The following ABLIM2 variants were observed in gnomAD, a reference collection of about 807,000 sequenced individuals.
ABLIM2 encodes the protein actin binding LIM protein family member 2, also known as actin-binding LIM protein 2.
Under a neutral mutation model 97.7 loss-of-function variants are expected in ABLIM2, and 53 were observed. The ratio of observed to expected loss-of-function variants is 0.54; its 90% CI spans 0.44 to 0.68. ABLIM2 has a LOEUF of 0.68. Ranked by LOEUF, ABLIM2 falls within the 30% of genes least tolerant of loss-of-function variation. The pLI, the probability that ABLIM2 is intolerant of heterozygous loss-of-function variation, is 0.00. For synonymous variants in ABLIM2, 361 were observed against 345.8 expected, an observed-to-expected ratio of 1.04 and a Z score of -0.49; for missense variants, 835 against 867.2, an observed-to-expected ratio of 0.96 and a Z score of 0.47.
At position 8,071,741 on chromosome 4, in the gene ABLIM2, C is replaced by A; in HGVS notation, c.675+5887G>T. 3.0e-6 allele frequency: 3 copies of A among 985,564 alleles called. No homozygotes were observed. The highest frequency in any genetic ancestry group is 3.6e-6 in the Non-Finnish European group (3 of 830,084). 61.1% of individuals were successfully genotyped at this position (985,564 alleles called of 1,614,324 possible). On this transcript the variant is annotated intron_variant, in intron 6 of 20. Transcript: ENST00000447017. The surrounding 1 kb of genome is among the most constrained non-coding windows in gnomAD (Gnocchi z 6.2). ...TGGCCCCTGTGAGCCCCCATCAGCC[C>A]CTTGGAGTTGCGGGCCAGGTTTCCT...
At chr4:8,078,401 G>A (rs992651470) in intron 5 of ABLIM2, among the ~76,000 whole-genome samples, 2 of 152,240 alleles carry the variant, frequency 1.3e-5, no homozygotes, top group Non-Finnish European at 2.9e-5. Context: ...AATTGGTGTC[G>A]AATGCCCATC....
At chr4:7,969,342 T>A (rs1161272262) in intron 20 of ABLIM2, among the ~76,000 whole-genome samples, 1 of 151,864 alleles carries the variant, frequency 6.6e-6, no homozygotes, top group African/African-American at 2.4e-5. Context: ...TAGTCCCAGT[T>A]ACTGAGGAGG....
In ABLIM2 at chr4:8,083,971, G is replaced by A. The variant is rs1440216846; in HGVS notation, c.455-3169C>T. Among the ~76,000 whole-genome samples the A allele has an allele frequency of 6.6e-6, 1 of 152,116 alleles. No homozygotes were observed. The highest frequency in any genetic ancestry group is 6.5e-5 in the Admixed American group (1 of 15,272). The stretch of plus-strand genomic sequence containing the variant: ...GCAGCCTCCTGGAGCCTCAGCTGGA[G>A]CTCAGGGGGTGCAGGTGCAGGAGCC... On this transcript the variant is annotated intron_variant, in intron 4 of 20. Coordinates refer to ENST00000447017, the MANE Select transcript of ABLIM2 (RefSeq NM_001130083.2). This position sits in a 1 kb window ranked among gnomAD's most constrained non-coding sequence, Gnocchi z 4.6.
In ABLIM2 at chr4:8,069,567, G is replaced by T; in HGVS notation, c.675+8061C>A. On this transcript the variant is annotated intron_variant, in intron 6 of 20. Transcript: ENST00000447017. This position sits in a 1 kb window ranked among gnomAD's most constrained non-coding sequence, Gnocchi z 4.2. ...CGGCAAAGGGTGTGTGCGCATGTGC[G>T]TGTCTGTGTGTCTCTGTGTTTTGCC... Among the ~76,000 whole-genome samples, 2 of 152,310 alleles carry T rather than the reference G, an allele frequency of 1.3e-5. No homozygotes were observed. The highest frequency in any genetic ancestry group is 4.1e-4 in the South Asian group (2 of 4,824).
At position 8,005,063 on chromosome 4, in the gene ABLIM2, G is replaced by C. The variant is rs1197910087; in HGVS notation, c.1618+2996C>G. Among the ~76,000 whole-genome samples the C allele has an allele frequency of 6.6e-6, 1 of 152,224 alleles. No homozygotes were observed. Among genetic ancestry groups the C allele is most frequent in the Non-Finnish European group, 1.5e-5 (1 of 68,038 alleles). On this transcript the variant is annotated intron_variant, in intron 16 of 20. Coordinates refer to ENST00000447017, the MANE Select transcript of ABLIM2 (RefSeq NM_001130083.2). This position sits in a 1 kb window ranked among gnomAD's most constrained non-coding sequence, Gnocchi z 4.9. ...GTAAGTATCTGGTGGAGGGATGGAT[G>C]AATGACTGAATGATGAACTCAGTCC...
intron 1 of ABLIM2, among the ~76,000 whole-genome samples, chr4:8,116,754 C>G (rs536047172): frequency 2.0e-5 from 3 of 152,198 alleles, no homozygotes; most frequent in Non-Finnish European, 4.4e-5. Flanking sequence ...TCTTCACTCT[C>G]TGGAAGGTTA....
rs1841042950 is a variant in ABLIM2 at position 8,112,860 on chromosome 4, A to C, written c.11-6223T>G. Among the ~76,000 whole-genome samples, 1 of 151,980 alleles carries C rather than the reference A, an allele frequency of 6.6e-6. No individual in the cohort carries two copies. The highest frequency in any genetic ancestry group is 6.5e-5 in the Admixed American group (1 of 15,274). On this transcript the variant is annotated intron_variant, in intron 1 of 20. Transcript: ENST00000447017. The surrounding 1 kb of genome is among the most constrained non-coding windows in gnomAD (Gnocchi z 4.2). ...GGCTCCTCCTCCCACCCCTTCCATC[A>C]CCTGCTGGGCTGCAAACCATGTGTT... is the stretch of plus-strand genomic sequence containing the variant.
At chr4:8,129,330 C>T (rs1578415287) in intron 1 of ABLIM2, among the ~76,000 whole-genome samples, 1 of 152,356 alleles carries the variant, frequency 6.6e-6, no homozygotes, top group East Asian at 1.9e-4. Context: ...AGCACCCCAT[C>T]GTAGGATGCA....
Position 8,044,641 on chromosome 4 carries a change from G to GACAC in ABLIM2, c.900+519_900+522dup, listed in dbSNP as rs531358817. Among the ~76,000 whole-genome samples, 3,357 of 124,178 alleles carry GACAC rather than the reference G, an allele frequency of 0.027. 40 individuals are homozygous for GACAC. The highest frequency in any genetic ancestry group is 0.069 in the Middle Eastern group (15 of 216). The allele number at this position is 124,178 out of a possible 152,430, so 81.5% of individuals were successfully genotyped here. On this transcript the variant is annotated intron_variant, in intron 9 of 20. Transcript: ENST00000447017. This position sits in a 1 kb window ranked among gnomAD's most constrained non-coding sequence, Gnocchi z 4.4. ...ATTATGGAAGCGTGTGAGGCGCACAGACACACACACACACACACACACACA... is the reference window on the plus strand; with the variant it reads ...ATTATGGAAGCGTGTGAGGCGCACAGACACACACACACACACACACACACACACA...
At chr4:8,018,263 A>T (rs556222474) in intron 14 of ABLIM2, among the ~76,000 whole-genome samples, 1 of 152,186 alleles carries the variant, frequency 6.6e-6, no homozygotes, top group East Asian at 1.9e-4. Flanking sequence ...GTCAATCCCA[A>T]TCTTGTAGCC....
rs1561332370 is a variant in ABLIM2, at chr4:8,091,563, ATTATATATAATT to A, written c.339-3291_339-3280del. 4.0e-3 allele frequency among the ~76,000 whole-genome samples: 171 copies of A among 42,716 alleles called. 28 individuals are homozygous for A. The highest frequency in any genetic ancestry group is 0.023 in the African/African-American group (158 of 6,814). The allele number at this position is 42,716 out of a possible 152,430, so 28.0% of individuals were successfully genotyped here. On this transcript the variant is annotated intron_variant, in intron 3 of 20. Coordinates refer to ENST00000447017, the MANE Select transcript of ABLIM2 (RefSeq NM_001130083.2). ...ATATATAATATTTATAATTATATAT[ATTATATATAATT>A]TTATATAAAATTATATATATAATTA...
In ABLIM2 at chr4:8,082,916, G is replaced by A. The variant is rs1820848421; in HGVS notation, c.455-2114C>T. Among the ~76,000 whole-genome samples, 1 of 152,226 alleles carries A rather than the reference G, an allele frequency of 6.6e-6. No homozygotes were observed. The highest frequency in any genetic ancestry group is 1.5e-5 in the Non-Finnish European group (1 of 68,038). On this transcript the variant is annotated intron_variant, in intron 4 of 20. Coordinates refer to ENST00000447017, the MANE Select transcript of ABLIM2 (RefSeq NM_001130083.2). This position sits in a 1 kb window ranked among gnomAD's most constrained non-coding sequence, Gnocchi z 5.6. Reference sequence around the variant, plus strand: ...TGGCTTCCCCCACTTAGCAGGTGATGAGGCACATTTTGCAAAGCTCTGCAT... The same window carrying A: ...TGGCTTCCCCCACTTAGCAGGTGATAAGGCACATTTTGCAAAGCTCTGCAT...
At chr4:8,028,998 C>T (rs1351566585) in intron 11 of ABLIM2, among the ~76,000 whole-genome samples, 2 of 152,198 alleles carry the variant, frequency 1.3e-5, no homozygotes, top group African/African-American at 4.8e-5. Flanking sequence ...CCGTGTGGAG[C>T]GTCCCTGCTG....
In ABLIM2 at chr4:8,077,738, A is replaced by T; in HGVS notation, c.582-17T>A. 6.2e-7 allele frequency: 1 copy of T among 1,604,594 alleles called. No homozygotes were observed. The highest frequency in any genetic ancestry group is 1.1e-5 in the South Asian group (1 of 89,540). ...AGCCCATCCCTGCAATGAGACAGGC[A>T]GTCAACACAGGGCGGGTGTCGCCCG... On this transcript the variant is annotated splice_polypyrimidine_tract_variant and intron_variant, in intron 5 of 20. Transcript: ENST00000447017.
chr4:8,109,579 C>T (rs984008701), intron 1 of ABLIM2, among the ~76,000 whole-genome samples: 8 of 152,178 alleles, frequency 5.3e-5, no homozygotes, highest in South Asian at 2.1e-4. Context: ...CACCCATCCT[C>T]GCCTAGGGTC....
chr4:8,061,127 G>T lies in ABLIM2; in HGVS notation c.676-73C>A. On this transcript the variant is annotated intron_variant, in intron 6 of 20. Transcript: ENST00000447017. This position sits in a 1 kb window ranked among gnomAD's most constrained non-coding sequence, Gnocchi z 4.5. Reference sequence around the variant, plus strand: ...TCGGCTGGGTCCCAGCGCCCGGCATGGATACAGCATGCCCTGAGCACAGGT... The same window carrying T: ...TCGGCTGGGTCCCAGCGCCCGGCATTGATACAGCATGCCCTGAGCACAGGT... 1 of 1,316,412 alleles carries T rather than the reference G, an allele frequency of 7.6e-7. No homozygotes were observed. Among genetic ancestry groups the T allele is most frequent in the Non-Finnish European group, 1.1e-6 (1 of 937,872 alleles). The allele number at this position is 1,316,412 out of a possible 1,614,324, so 81.5% of individuals were successfully genotyped here. A position where few individuals can be genotyped will look rare whatever the true frequency, so the allele number is the denominator to read the frequency against.
chr4:8,097,302 G>A lies in ABLIM2; in HGVS notation c.155-20C>T. ...CACATGCTGGGGGAGGACGGGCGAG[G>A]TGGCGTTAGCGGCAGAGGGGACCAT... On this transcript the variant is annotated intron_variant, in intron 2 of 20. Coordinates refer to ENST00000447017, the MANE Select transcript of ABLIM2 (RefSeq NM_001130083.2). 6.4e-7 allele frequency: 1 copy of A among 1,552,162 alleles called. No homozygotes were observed. The highest frequency in any genetic ancestry group is 8.7e-7 in the Non-Finnish European group (1 of 1,148,208).
chr4:8,110,340 G>A (rs965972393), intron 1 of ABLIM2, among the ~76,000 whole-genome samples: 11 of 152,202 alleles, frequency 7.2e-5, no homozygotes, highest in South Asian at 2.1e-4. Context: ...TCAGATTCCC[G>A]GGGGACAGCG....
intron 6 of ABLIM2, among the ~76,000 whole-genome samples, chr4:8,070,708 T>C (rs964937553): frequency 6.6e-6 from 1 of 151,860 alleles, no homozygotes; most frequent in East Asian, 1.9e-4. Flanking sequence ...GAACCCAGCA[T>C]CTAGCCCAGG....
Sources: allele counts gnomAD v4.1 joint callset (sites outside exome capture counted in the v4.1 genomes callset), GRCh38; gene constraint gnomAD v4.1.1; non-coding constraint Gnocchi (gnomAD v3.1); transcripts MANE v1.5; gene names NCBI Gene and HGNC (gene_info 2026-07-23, HGNC 2026-07-21).